The following PDLIM5 variants were observed in gnomAD, a reference collection of about 807,000 sequenced individuals.
PDLIM5 encodes the protein PDZ and LIM domain 5, also known as PDZ and LIM domain protein 5.
A neutral mutation model predicts 64.2 loss-of-function variants in PDLIM5; 34 were observed. That is an observed-to-expected ratio of 0.53 (90% confidence interval 0.40 to 0.71). The LOEUF is 0.71. Among genes scored for constraint, PDLIM5 ranks in the 30% least tolerant of loss-of-function variants. The pLI is 0.00. For missense variants in PDLIM5, 683 were observed against 733.6 expected, an observed-to-expected ratio of 0.93 and a Z score of 0.80; for synonymous variants, 253 against 269.1, an observed-to-expected ratio of 0.94 and a Z score of 0.59.
intron 7 of PDLIM5, among the ~76,000 whole-genome samples, chr4:94,591,732 C>G (rs1736688381): frequency 6.6e-6 from 1 of 152,250 alleles, no homozygotes; most frequent in African/African-American, 2.4e-5. Context: ...GTTTGCAACT[C>G]CACCTCTCCT....
intron 7 of PDLIM5, among the ~76,000 whole-genome samples, chr4:94,604,278 T>G (rs1418523113): frequency 6.6e-6 from 1 of 152,196 alleles, no homozygotes; most frequent in African/African-American, 2.4e-5. Context: ...TATTGTATGA[T>G]TCCACTGATA....
intron 8 of PDLIM5, among the ~76,000 whole-genome samples, chr4:94,625,874 G>C (rs1433469890): frequency 6.6e-6 from 1 of 152,150 alleles, no homozygotes; most frequent in East Asian, 1.9e-4. Flanking sequence ...CTTTATCTTA[G>C]TGATTTGCTT....
chr4:94,458,861 G>A (rs11935039), intron 2 of PDLIM5, among the ~76,000 whole-genome samples: 4,161 of 152,252 alleles, frequency 0.027, 160 homozygotes, highest in African/African-American at 0.088. Flanking sequence ...TGTTTTGTTG[G>A]TGGATTTCTA....
At chr4:94,483,619 G>T (rs762515827) in intron 2 of PDLIM5, among the ~76,000 whole-genome samples, 88 of 151,986 alleles carry the variant, frequency 5.8e-4, no homozygotes, top group Non-Finnish European at 1.1e-3. Flanking sequence ...TTGGTCATTT[G>T]AATTAGATAA....
intron 7 of PDLIM5, among the ~76,000 whole-genome samples, chr4:94,614,815 T>C (rs1738643408): frequency 1.3e-5 from 2 of 152,202 alleles, no homozygotes; most frequent in East Asian, 1.9e-4. Context: ...ATGATACTTA[T>C]TCTGTGGGAA....
At chr4:94,598,506 C>T (rs1034302861) in intron 7 of PDLIM5, among the ~76,000 whole-genome samples, 1 of 152,036 alleles carries the variant, frequency 6.6e-6, no homozygotes, top group African/African-American at 2.4e-5. Flanking sequence ...TGACCTAAAT[C>T]CAAGTGGGTC....
chr4:94,453,379 A>G (rs1167590895), intron 1 of PDLIM5, among the ~76,000 whole-genome samples: 1 of 152,220 alleles, frequency 6.6e-6, no homozygotes, highest in Non-Finnish European at 1.5e-5. Context: ...GACAGTGACT[A>G]GAAATGAAAT....
chr4:94,532,665 T>C (rs1730993601), intron 3 of PDLIM5, among the ~76,000 whole-genome samples: 1 of 152,094 alleles, frequency 6.6e-6, no homozygotes, highest in African/African-American at 2.4e-5. Flanking sequence ...CCTTCAGTGG[T>C]ATACTGAGTT....
chr4:94,628,974 AAGCCCATTGGCCTCCTAC>A (rs1248546985), intron 8 of PDLIM5, among the ~76,000 whole-genome samples: 1 of 148,856 alleles, frequency 6.7e-6, no homozygotes. Flanking sequence ...TAAGAAAATG[AAGCCCATTGGCCTCCTAC>A]AATAAAAGCA....
At chr4:94,565,351 G>A (rs555626642) in intron 3 of PDLIM5, among the ~76,000 whole-genome samples, 37 of 152,330 alleles carry the variant, frequency 2.4e-4, no homozygotes, top group South Asian at 2.3e-3. Flanking sequence ...ATATGAATGT[G>A]TAGTCAAAAC....
At chr4:94,519,628 A>C (rs1012283325) in intron 2 of PDLIM5, among the ~76,000 whole-genome samples, 6 of 152,176 alleles carry the variant, frequency 3.9e-5, no homozygotes, top group Non-Finnish European at 8.8e-5. Context: ...AAAACAGAGG[A>C]ATGATGAAGC....
chr4:94,512,541 A>G (rs1330349050), intron 2 of PDLIM5, among the ~76,000 whole-genome samples: 2 of 152,060 alleles, frequency 1.3e-5, no homozygotes, highest in Non-Finnish European at 2.9e-5. Flanking sequence ...GCACCTTTTC[A>G]TATGCCTGCT....
At chr4:94,652,440 C>T (rs547646534) in intron 9 of PDLIM5, among the ~76,000 whole-genome samples, 5 of 152,140 alleles carry the variant, frequency 3.3e-5, no homozygotes, top group East Asian at 3.8e-4. Context: ...GCCCACCTGG[C>T]GGAAAAACAC....
chr4:94,662,114 C>T (rs866263929), intron 11 of PDLIM5, among the ~76,000 whole-genome samples: 4 of 152,044 alleles, frequency 2.6e-5, no homozygotes, highest in South Asian at 2.1e-4. Context: ...CAACCGCGCC[C>T]GGCCAGAACA....
chr4:94,455,830 G>A (rs1470963481), intron 2 of PDLIM5: 4 of 1,458,740 alleles, frequency 2.7e-6, no homozygotes, highest in South Asian at 1.2e-5. Flanking sequence ...TCACTTTCTG[G>A]TGGAGGTGAT....
At chr4:94,478,899 T>TTTC (rs1725585072) in intron 2 of PDLIM5, among the ~76,000 whole-genome samples, 1 of 136,860 alleles carries the variant, frequency 7.3e-6, no homozygotes, top group African/African-American at 3.2e-5. Context: ...TGTTTTTTTT[T>TTTC]TTTTTTTTTT....
chr4:94,532,378 GGCTCCCT>G lies in PDLIM5; in HGVS notation c.248+8507_248+8513del, dbSNP rs199536328. Reference sequence around the variant, plus strand: ...GGGGAAGAAGAGAGAAGAAGAAAAGGGCTCCCTGCTTCTGGTGAGCAAAGGCAGCCGC... The same window carrying G: ...GGGGAAGAAGAGAGAAGAAGAAAAGGGCTTCTGGTGAGCAAAGGCAGCCGC... On this transcript the variant is annotated intron_variant, in intron 3 of 12. Transcript: ENST00000317968. Among the ~76,000 whole-genome samples the G allele has an allele frequency of 7.9e-3, 1,201 of 152,266 alleles. 9 individuals are homozygous for G. The highest frequency in any genetic ancestry group is 0.027 in the African/African-American group (1,103 of 41,544).
intron 3 of PDLIM5, among the ~76,000 whole-genome samples, chr4:94,566,240 T>C (rs1382468384): frequency 6.6e-6 from 1 of 152,174 alleles, no homozygotes; most frequent in Non-Finnish European, 1.5e-5. Context: ...GGCTTCTGTT[T>C]CCTATATTTA....
intron 2 of PDLIM5, among the ~76,000 whole-genome samples, chr4:94,521,463 A>G (rs1729819652): frequency 6.6e-6 from 1 of 152,046 alleles, no homozygotes; most frequent in Admixed American, 6.6e-5. Context: ...TAGATGTGGT[A>G]CTTAAGGAAG....
Sources: gnomAD v4.1 joint callset for allele counts (sites outside exome capture counted in the v4.1 genomes callset) on GRCh38, gnomAD v4.1.1 for gene constraint, MANE v1.5 for transcripts, NCBI Gene and HGNC (gene_info 2026-07-23, HGNC 2026-07-21) for gene names.